The following FAM184B variants were observed in gnomAD, a reference collection of about 807,000 sequenced individuals.
The protein encoded by FAM184B is family with sequence similarity 184 member B.
FAM184B carries 111 observed loss-of-function variants against 135.9 expected under a neutral mutation model. That is an observed-to-expected ratio of 0.82 (90% CI 0.70 to 0.96). The LOEUF (loss-of-function observed/expected upper bound fraction) is 0.96, where lower values mean the gene tolerates loss of function less well. Among genes scored for constraint, FAM184B ranks in the 40% least tolerant of loss-of-function variants. The pLI, the probability that FAM184B is intolerant of heterozygous loss-of-function variation, is 0.00. For synonymous variants in FAM184B, 552 were observed against 524.8 expected (o/e 1.05, Z -0.71); for missense variants, 1,375 against 1,323.9 (o/e 1.04, Z -0.60).
At chr4:17,702,605 G>T (rs1413616361) in intron 5 of FAM184B, among the ~76,000 whole-genome samples, 1 of 152,144 alleles carries the variant, frequency 6.6e-6, no homozygotes, top group Non-Finnish European at 1.5e-5. Flanking sequence ...CCTCTTTAAG[G>T]TTTCACCTTT....
At position 17,766,976 on chromosome 4, in the gene FAM184B, G is replaced by A. The variant is rs969340961; in HGVS notation, c.141+14183C>T. Among the ~76,000 whole-genome samples, 4 of 152,184 alleles carry A rather than the reference G, an allele frequency of 2.6e-5. 1 individual carries two copies. Among genetic ancestry groups the A allele is most frequent in the African/African-American group, 7.2e-5 (3 of 41,448 alleles). Reference sequence around the variant, plus strand: ...CGCGGGGAGGCACCTGAGGCCCAGCGAGAATTCCAGCGCAGCGCCAGCGGG... The same window carrying A: ...CGCGGGGAGGCACCTGAGGCCCAGCAAGAATTCCAGCGCAGCGCCAGCGGG... On this transcript the variant is annotated intron_variant, in intron 1 of 17. Coordinates refer to ENST00000265018, the MANE Select transcript of FAM184B (RefSeq NM_015688.2).
chr4:17,637,270 G>A (rs1715170654), intron 14 of FAM184B, among the ~76,000 whole-genome samples: 1 of 152,152 alleles, frequency 6.6e-6, no homozygotes, highest in East Asian at 1.9e-4. Context: ...CTCGTGATCC[G>A]CCCTCCTGGG....
At chr4:17,756,113 C>A (rs1275901623) in intron 1 of FAM184B, among the ~76,000 whole-genome samples, 2 of 152,094 alleles carry the variant, frequency 1.3e-5, no homozygotes, top group Non-Finnish European at 2.9e-5. Flanking sequence ...CAATGAACAC[C>A]TTCAGTGTAT....
chr4:17,636,579 G>A lies in FAM184B; in HGVS notation c.2733C>T (p.Gly911=). The A allele has an allele frequency of 1.9e-6, 3 of 1,551,072 alleles. No homozygotes were observed. The highest frequency in any genetic ancestry group is 2.6e-6 in the Non-Finnish European group (3 of 1,146,930). ...ASRPEDLQLI[G]RLQTRLKERE... ...TCTCCTTCAGGCGGGTCTGCAGGCG[G>A]CCAATGAGCTGAAGGTCCTCGGGCC... Residue 911 remains glycine (G), a synonymous_variant, in exon 15 of 18, where the codon GGC becomes GGT. Coordinates refer to ENST00000265018, the MANE Select transcript of FAM184B (RefSeq NM_015688.2).
In FAM184B at chr4:17,725,609, T is replaced by C. The variant is rs374563652; in HGVS notation, c.142-15965A>G. ...GGGTCTGGGAAGTTGCCAGTGTGGG[T>C]TGGATAATAGGGTTAAGTGTAAAGG... On this transcript the variant is annotated intron_variant, in intron 1 of 17. Transcript: ENST00000265018. Among the ~76,000 whole-genome samples, 77 of 152,160 alleles carry C rather than the reference T, an allele frequency of 5.1e-4. No homozygotes were observed. In the South Asian group the frequency reaches 0.016, roughly 31 times the overall value.
chr4:17,670,489 G>A (rs540941904), intron 7 of FAM184B, among the ~76,000 whole-genome samples: 1 of 152,316 alleles, frequency 6.6e-6, no homozygotes, highest in South Asian at 2.1e-4. Context: ...CAGAGCCTGT[G>A]AAAGGGAATC....
chr4:17,686,108 G>A (rs1264890273), intron 7 of FAM184B, among the ~76,000 whole-genome samples: 1 of 152,200 alleles, frequency 6.6e-6, no homozygotes, highest in African/African-American at 2.4e-5. Context: ...AGAAATACTT[G>A]AGTATCTCAG....
intron 1 of FAM184B, among the ~76,000 whole-genome samples, chr4:17,732,494 A>G (rs1173881415): frequency 1.3e-5 from 2 of 152,210 alleles, no homozygotes; most frequent in Non-Finnish European, 2.9e-5. Context: ...ATAAAAAATG[A>G]TAAAGGGGAT....
At chr4:17,736,297 T>C (rs1356714711) in intron 1 of FAM184B, among the ~76,000 whole-genome samples, 2 of 152,122 alleles carry the variant, frequency 1.3e-5, no homozygotes, top group Non-Finnish European at 2.9e-5. Context: ...TTAAAGAAAA[T>C]AGGAGTACCA....
At chr4:17,697,938 A>C (rs1241305258) in intron 5 of FAM184B, among the ~76,000 whole-genome samples, 3 of 152,188 alleles carry the variant, frequency 2.0e-5, no homozygotes, top group Non-Finnish European at 4.4e-5. Context: ...TGGGTGCAAA[A>C]TAATGTGGTT....
At position 17,642,134 on chromosome 4, in the gene FAM184B, A is replaced by G. The variant is rs1270562194; in HGVS notation, c.2441T>C (p.Leu814Pro). 4 of 1,533,268 alleles carry G rather than the reference A, an allele frequency of 2.6e-6. No homozygotes were observed. In the East Asian group the frequency reaches 9.8e-5, roughly 38 times the overall value. The allele number at this position is 1,533,268 out of a possible 1,614,324, so 95.0% of individuals were successfully genotyped here. ...GCGCAGCCGCCGCACCGCGTCCTGGAGCTGCGCGTTCTCCTCCCAGAGCCC... is the reference window on the plus strand; with the variant it reads ...GCGCAGCCGCCGCACCGCGTCCTGGGGCTGCGCGTTCTCCTCCCAGAGCCC... ...GCGLWEENAQLQDAVRRLRAE... is the reference protein window; with the variant it reads ...GCGLWEENAQPQDAVRRLRAE... The change falls in exon 13 of 18, where the codon CTC (leucine) becomes CCC (proline). Residue 814 changes from leucine (L) to proline (P), a missense_variant. Coordinates refer to ENST00000265018, the MANE Select transcript of FAM184B (RefSeq NM_015688.2).
At chr4:17,648,355 A>T (rs1165572620) in intron 11 of FAM184B, among the ~76,000 whole-genome samples, 4 of 149,810 alleles carry the variant, frequency 2.7e-5, no homozygotes, top group South Asian at 2.1e-4. Context: ...ACTCTTTTTT[A>T]TTTTTTTTTG....
chr4:17,691,167 C>G (rs566918576), intron 6 of FAM184B, among the ~76,000 whole-genome samples: 14 of 152,204 alleles, frequency 9.2e-5, no homozygotes, highest in South Asian at 8.3e-4. Flanking sequence ...TCATTAGAGC[C>G]ACATTACCTG....
intron 1 of FAM184B, among the ~76,000 whole-genome samples, chr4:17,726,463 C>T (rs1307233991): frequency 1.3e-5 from 2 of 152,020 alleles, no homozygotes; most frequent in African/African-American, 4.8e-5. Flanking sequence ...CCTCTGCTTC[C>T]CAGGTTCAAG....
intron 1 of FAM184B, among the ~76,000 whole-genome samples, chr4:17,773,119 A>G (rs1413071226): frequency 6.6e-6 from 1 of 152,172 alleles, no homozygotes; most frequent in East Asian, 1.9e-4. Context: ...AGCTCTGTCA[A>G]TATATATTAA....
chr4:17,639,605 C>G (rs1049239045), intron 13 of FAM184B, among the ~76,000 whole-genome samples: 1 of 152,142 alleles, frequency 6.6e-6, no homozygotes, highest in African/African-American at 2.4e-5. Context: ...CTTCTCAGCA[C>G]CCTCCCATCT....
At chr4:17,671,927 T>C (rs1716177257) in intron 7 of FAM184B, among the ~76,000 whole-genome samples, 1 of 141,120 alleles carries the variant, frequency 7.1e-6, no homozygotes, top group Admixed American at 7.8e-5. Flanking sequence ...GACAGGTCAC[T>C]GGAAATAATT....
At position 17,781,191 on chromosome 4, in the gene FAM184B, T is replaced by C. The variant is rs1174917071; in HGVS notation, c.109A>G (p.Lys37Glu). The C allele has an allele frequency of 3.2e-6, 5 of 1,549,894 alleles. No individual in the cohort carries two copies. The highest frequency in any genetic ancestry group is 4.4e-6 in the Non-Finnish European group (5 of 1,146,178). Residue 37 changes from lysine (K) to glutamate (E), a missense_variant, in exon 1 of 18, where the codon AAA (lysine) becomes GAA (glutamate). Transcript: ENST00000265018. This position sits in a 1 kb window ranked among gnomAD's most constrained non-coding sequence, Gnocchi z 6.5. ...RMDCDPQMHV[K>E]MCKKIAQLTK... ...AGCTGGGCGATCTTCTTGCACATTT[T>C]CACGTGCATCTGGGGATCACAGTCC...
At chr4:17,644,725 A>G (rs545187484) in intron 12 of FAM184B, among the ~76,000 whole-genome samples, 1 of 152,350 alleles carries the variant, frequency 6.6e-6, no homozygotes, top group South Asian at 2.1e-4. Context: ...ATAGTGTTGG[A>G]AGTTCTGGCC....
Sources: allele counts gnomAD v4.1 joint callset (sites outside exome capture counted in the v4.1 genomes callset), GRCh38; gene constraint gnomAD v4.1.1; non-coding constraint Gnocchi (gnomAD v3.1); transcripts MANE v1.5; gene names NCBI Gene and HGNC (gene_info 2026-07-23, HGNC 2026-07-21).